CDH13: variants seen among roughly 807,000 people sequenced by gnomAD.
CDH13 encodes cadherin-13.
A neutral mutation model predicts 63.8 loss-of-function variants in CDH13; 24 were observed. The ratio of observed to expected loss-of-function variants is 0.38; its 90% CI spans 0.27 to 0.53. The LOEUF is 0.53. Ranked by LOEUF, CDH13 falls within the 20% of genes least tolerant of loss-of-function variation. The pLI, the probability that CDH13 is intolerant of heterozygous loss-of-function variation, is 0.85. For synonymous variants in CDH13, 503 were observed against 355.3 expected, an observed-to-expected ratio of 1.42 and a Z score of -4.67; for missense variants, 1,049 against 903.1, an observed-to-expected ratio of 1.16 and a Z score of -2.07.
At chr16:82,888,576 T>G (rs2040971769) in intron 2 of CDH13, among the ~76,000 whole-genome samples, 1 of 152,162 alleles carries the variant, frequency 6.6e-6, no homozygotes, top group Admixed American at 6.5e-5. Context: ...CAGGAACTGT[T>G]CTCAGCCATT....
chr16:82,676,383 C>T (rs2150953168), intron 1 of CDH13, among the ~76,000 whole-genome samples: 1 of 151,714 alleles, frequency 6.6e-6, no homozygotes, highest in African/African-American at 2.4e-5. Flanking sequence ...TTCTCACAGT[C>T]AATTAAAATT....
At chr16:83,401,535 A>C (rs2091968221) in intron 6 of CDH13, among the ~76,000 whole-genome samples, 1 of 152,048 alleles carries the variant, frequency 6.6e-6, no homozygotes, top group Non-Finnish European at 1.5e-5. Context: ...GTAAAATAAA[A>C]TAAAAATAAT....
chr16:82,727,276 G>C (rs1214963644), intron 1 of CDH13, among the ~76,000 whole-genome samples: 1 of 152,114 alleles, frequency 6.6e-6, no homozygotes, highest in Non-Finnish European at 1.5e-5. Flanking sequence ...AATCCCTGGA[G>C]GTTGCAGTTG....
chr16:82,860,386 T>TGGGGG (rs1212112335), intron 2 of CDH13, among the ~76,000 whole-genome samples: 1 of 31,260 alleles, frequency 3.2e-5, no homozygotes, highest in African/African-American at 1.4e-4. Context: ...TGTGTGTGTG[T>TGGGGG]GTGGGGGGGG....
intron 5 of CDH13, among the ~76,000 whole-genome samples, chr16:83,333,706 T>C (rs2090525991): frequency 2.0e-5 from 3 of 152,212 alleles, no homozygotes; most frequent in African/African-American, 4.8e-5. Context: ...TATGTTGCTA[T>C]GGTGGAAACT....
chr16:82,956,737 G>T (rs1413420188), intron 2 of CDH13, among the ~76,000 whole-genome samples: 1 of 152,156 alleles, frequency 6.6e-6, no homozygotes, highest in Non-Finnish European at 1.5e-5. Context: ...AATGTGCCAG[G>T]TTCTTTCACA....
intron 1 of CDH13, among the ~76,000 whole-genome samples, chr16:82,736,467 A>T (rs189035676): frequency 6.6e-6 from 1 of 152,148 alleles, no homozygotes; most frequent in Non-Finnish European, 1.5e-5. Context: ...ACAAGTTGCA[A>T]TTCTTGCTGT....
intron 7 of CDH13, among the ~76,000 whole-genome samples, chr16:83,534,812 A>C (rs912757995): frequency 1.3e-5 from 2 of 152,254 alleles, no homozygotes; most frequent in African/African-American, 2.4e-5. Flanking sequence ...TCTTATTTAA[A>C]TGTGAATTAG....
intron 5 of CDH13, among the ~76,000 whole-genome samples, chr16:83,327,644 G>A (rs945447389): frequency 1.3e-5 from 2 of 152,158 alleles, no homozygotes; most frequent in Non-Finnish European, 2.9e-5. Flanking sequence ...GTAGCAATAA[G>A]AGCCGTGAAA....
At chr16:82,971,661 A>C (rs1370174305) in intron 2 of CDH13, among the ~76,000 whole-genome samples, 1 of 152,158 alleles carries the variant, frequency 6.6e-6, no homozygotes, top group Non-Finnish European at 1.5e-5. Context: ...ACTCTTCCCA[A>C]ATTCAACCTT....
intron 4 of CDH13, among the ~76,000 whole-genome samples, chr16:83,167,055 G>A (rs74031435): frequency 0.016 from 2,463 of 152,152 alleles, 80 homozygotes; most frequent in African/African-American, 0.056. Flanking sequence ...TACTATATAA[G>A]AAAACACGGC....
At chr16:82,736,666 G>A (rs1426695764) in intron 1 of CDH13, among the ~76,000 whole-genome samples, 1 of 152,044 alleles carries the variant, frequency 6.6e-6, no homozygotes, top group Admixed American at 6.6e-5. Flanking sequence ...TGGTTAATAC[G>A]ATAATTTTTC....
At chr16:82,994,159 T>C (rs1004457179) in intron 2 of CDH13, among the ~76,000 whole-genome samples, 6 of 152,148 alleles carry the variant, frequency 3.9e-5, no homozygotes, top group African/African-American at 1.4e-4. Flanking sequence ...AACATTTTAA[T>C]GTGCTGATGC....
At chr16:82,736,084 C>T (rs986292318) in intron 1 of CDH13, among the ~76,000 whole-genome samples, 2 of 152,134 alleles carry the variant, frequency 1.3e-5, no homozygotes, top group Non-Finnish European at 2.9e-5. Context: ...AAATTAATTC[C>T]CCTGAGTTTC....
intron 5 of CDH13, among the ~76,000 whole-genome samples, chr16:83,259,195 C>T (rs1173799167): frequency 1.3e-5 from 2 of 152,092 alleles, no homozygotes; most frequent in African/African-American, 2.4e-5. Flanking sequence ...TTGATATAAA[C>T]CTTATGGATG....
chr16:83,472,996 C>G (rs143520603), intron 6 of CDH13, among the ~76,000 whole-genome samples: 6 of 152,166 alleles, frequency 3.9e-5, no homozygotes, highest in Non-Finnish European at 5.9e-5. Flanking sequence ...AAATGACTCT[C>G]CAGTTCCATG....
intron 1 of CDH13, among the ~76,000 whole-genome samples, chr16:82,761,085 A>C (rs1342892352): frequency 1.6e-5 from 2 of 121,690 alleles, no homozygotes; most frequent in African/African-American, 6.5e-5. Context: ...GTGCAGTGGC[A>C]TGATCTTAGC....
chr16:82,943,355 CTG>C (rs1450402460), intron 2 of CDH13, among the ~76,000 whole-genome samples: 1 of 151,982 alleles, frequency 6.6e-6, no homozygotes, highest in Non-Finnish European at 1.5e-5. Flanking sequence ...GCAGGATAGA[CTG>C]TGAAAATCTA....
intron 1 of CDH13, among the ~76,000 whole-genome samples, chr16:82,683,454 C>T (rs373683149): frequency 3.9e-5 from 6 of 152,314 alleles, no homozygotes; most frequent in South Asian, 2.1e-4. Flanking sequence ...CCCAGTGACA[C>T]GGAAGGATGG....
Sources: gnomAD v4.1 joint callset for allele counts (sites outside exome capture counted in the v4.1 genomes callset) on GRCh38, gnomAD v4.1.1 for gene constraint, MANE v1.5 for transcripts, NCBI Gene and HGNC (gene_info 2026-07-23, HGNC 2026-07-21) for gene names.